Variants in POLR3G observed in about 807,000 individuals in gnomAD.
POLR3G encodes RNA polymerase III subunit G.
A neutral mutation model predicts 30.1 loss-of-function variants in POLR3G; 28 were observed. That is an observed-to-expected ratio of 0.93 (90% CI 0.69 to 1.27). POLR3G has a LOEUF of 1.27. Ranked by LOEUF, POLR3G falls within the 50% of genes most tolerant of loss-of-function variation. The pLI is 0.00. For synonymous variants in POLR3G, 79 were observed against 82.5 expected, an observed-to-expected ratio of 0.96 and a Z score of 0.23; for missense variants, 254 against 264.6, an observed-to-expected ratio of 0.96 and a Z score of 0.28.
At position 90,487,986 on chromosome 5, in the gene POLR3G, C is replaced by T; in HGVS notation, c.118-14C>T. ...ATTGATTTGAAAAAAATCTTTGTCTCTTAATTTAAACAGGATACAGATTAT... is the reference window on the plus strand; with the variant it reads ...ATTGATTTGAAAAAAATCTTTGTCTTTTAATTTAAACAGGATACAGATTAT... On this transcript the variant is annotated splice_polypyrimidine_tract_variant and intron_variant, in intron 2 of 7. Transcript: ENST00000651687. The T allele has an allele frequency of 6.6e-7, 1 of 1,518,616 alleles. No individual in the cohort carries two copies. Among genetic ancestry groups the T allele is most frequent in the Non-Finnish European group, 8.8e-7 (1 of 1,138,256 alleles). The allele number at this position is 1,518,616 out of a possible 1,614,324, so 94.1% of individuals were successfully genotyped here. A position where few individuals can be genotyped will look rare whatever the true frequency, so the allele number is the denominator to read the frequency against.
intron 7 of POLR3G, among the ~76,000 whole-genome samples, chr5:90,509,350 A>T (rs1412765404): frequency 6.6e-6 from 1 of 152,114 alleles, no homozygotes; most frequent in Non-Finnish European, 1.5e-5. Flanking sequence ...GTAACTCCTC[A>T]GTTCTTTTTC....
chr5:90,486,524 C>G (rs902123764), intron 2 of POLR3G, among the ~76,000 whole-genome samples: 1 of 152,224 alleles, frequency 6.6e-6, no homozygotes. Flanking sequence ...TTTTCTACCA[C>G]TGTCCTCATT....
At chr5:90,507,997 G>C (rs1376418036) in intron 7 of POLR3G, among the ~76,000 whole-genome samples, 1 of 151,928 alleles carries the variant, frequency 6.6e-6, no homozygotes, top group Admixed American at 6.6e-5. Context: ...GCACACACTA[G>C]ACCAAAGCCA....
At chr5:90,496,023 G>C (rs1424915993) in intron 4 of POLR3G, among the ~76,000 whole-genome samples, 1 of 151,956 alleles carries the variant, frequency 6.6e-6, no homozygotes, top group East Asian at 1.9e-4. Context: ...CCAGGCTGGA[G>C]TGCAGTGGCA....
intron 7 of POLR3G, among the ~76,000 whole-genome samples, chr5:90,509,827 G>C (rs1752653248): frequency 6.6e-6 from 1 of 152,170 alleles, no homozygotes; most frequent in African/African-American, 2.4e-5. Flanking sequence ...TAAGGACTTT[G>C]AATGTCAAGC....
chr5:90,476,147 A>G (rs2914673), intron 1 of POLR3G, among the ~76,000 whole-genome samples: 7,809 of 152,284 alleles, frequency 0.051, 422 homozygotes, highest in African/African-American at 0.12. Flanking sequence ...ACAACTACTA[A>G]TAAGCCTTCA....
chr5:90,474,302 G>A, upstream of POLR3G: 1 of 1,611,494 alleles, frequency 6.2e-7, no homozygotes, highest in Non-Finnish European at 8.5e-7. Context: ...TGCTGGGCAG[G>A]GGTGCAGCCA....
chr5:90,485,108 A>G (rs925100909), intron 1 of POLR3G, among the ~76,000 whole-genome samples: 2 of 152,178 alleles, frequency 1.3e-5, no homozygotes, highest in African/African-American at 4.8e-5. Context: ...TCTTCCAAAC[A>G]CTCACATGCT....
At chr5:90,488,231 A>G in intron 3 of POLR3G, 102 bp downstream of exon 3, 2 of 1,039,142 alleles carry the variant, frequency 1.9e-6, no homozygotes, top group Non-Finnish European at 2.6e-6. Flanking sequence ...ATTCGATTCA[A>G]TAAAAAATTA....
chr5:90,505,516 G>A (rs1752441519), intron 6 of POLR3G, among the ~76,000 whole-genome samples: 2 of 152,188 alleles, frequency 1.3e-5, no homozygotes, highest in Non-Finnish European at 2.9e-5. Flanking sequence ...ACTATTCCCT[G>A]ATGGTTCCAC....
upstream of POLR3G, chr5:90,474,266 G>A (rs767214645): frequency 5.6e-6 from 9 of 1,613,378 alleles, no homozygotes; most frequent in East Asian, 8.9e-5. Context: ...CTAGAGACTT[G>A]TGGGCGTACC....
intron 1 of POLR3G, among the ~76,000 whole-genome samples, chr5:90,481,375 G>A (rs374611141): frequency 1.3e-5 from 2 of 151,562 alleles, no homozygotes; most frequent in East Asian, 1.9e-4. Flanking sequence ...TAGTTTACCT[G>A]TTTATTGGAA....
chr5:90,484,722 A>G (rs1404700636), intron 1 of POLR3G, among the ~76,000 whole-genome samples: 2 of 152,170 alleles, frequency 1.3e-5, no homozygotes, highest in African/African-American at 4.8e-5. Flanking sequence ...CAGGGGACAT[A>G]CCATTTCTCT....
At chr5:90,475,196 AT>A (rs1750733551) in intron 1 of POLR3G, among the ~76,000 whole-genome samples, 176 bp downstream of exon 1, 1 of 152,068 alleles carries the variant, frequency 6.6e-6, no homozygotes. Flanking sequence ...TCCCTTCAGA[AT>A]TTTTTAAGTC....
At chr5:90,474,620 G>A (rs1750686164), upstream of POLR3G, 2 of 351,872 alleles carry the variant, frequency 5.7e-6, no homozygotes, top group East Asian at 1.7e-4. Context: ...GCAGCAGAAT[G>A]GAGACTCAGG....
chr5:90,511,801 G>C (rs1463691655), intron 7 of POLR3G, among the ~76,000 whole-genome samples: 1 of 152,124 alleles, frequency 6.6e-6, no homozygotes, highest in Non-Finnish European at 1.5e-5. Context: ...TATCATCCCA[G>C]TAAGCTGTAA....
chr5:90,500,335 A>G (rs539966446), intron 5 of POLR3G, among the ~76,000 whole-genome samples: 6 of 152,140 alleles, frequency 3.9e-5, no homozygotes, highest in African/African-American at 1.4e-4. Flanking sequence ...CTATTCAAAT[A>G]TATGCAGATA....
upstream of POLR3G, chr5:90,474,124 G>A (rs1451534990): frequency 6.3e-7 from 1 of 1,583,252 alleles, no homozygotes; most frequent in Admixed American, 1.8e-5. Context: ...GAGGAGTACA[G>A]GTACTCCGGG....
chr5:90,493,606 A>G (rs182562708), intron 3 of POLR3G, among the ~76,000 whole-genome samples: 9 of 147,108 alleles, frequency 6.1e-5, no homozygotes, highest in Admixed American at 4.2e-4. Context: ...TATAAAATTT[A>G]CTTTTTAAAG....
Sources: allele counts gnomAD v4.1 joint callset (sites outside exome capture counted in the v4.1 genomes callset), GRCh38; gene constraint gnomAD v4.1.1; transcripts MANE v1.5; gene names NCBI Gene and HGNC (gene_info 2026-07-23, HGNC 2026-07-21).